The following TENM3 variants were observed in gnomAD, a reference collection of about 807,000 sequenced individuals.
TENM3 encodes the protein teneurin transmembrane protein 3, also known as teneurin-3.
In TENM3, 63 loss-of-function variants were observed where a neutral mutation model predicts 255.1. The observed-to-expected ratio is 0.25, with a 90% CI of 0.20 to 0.30. The LOEUF (loss-of-function observed/expected upper bound fraction) is 0.30, where lower values mean the gene tolerates loss of function less well. Among genes scored for constraint, TENM3 ranks in the 10% least tolerant of loss-of-function variants. TENM3 has a pLI of 1.00. For synonymous variants in TENM3, 1,306 were observed against 1,322.3 expected, an observed-to-expected ratio of 0.99 and a Z score of 0.27; for missense variants, 2,929 against 3,461.1, an observed-to-expected ratio of 0.85 and a Z score of 3.86.
the TENM3 span, among the ~76,000 whole-genome samples, chr4:181,723,735 T>C: frequency 4.6e-5 from 7 of 152,144 alleles, no homozygotes; most frequent in Non-Finnish European, 8.8e-5. Flanking sequence ...TGTATTTATC[T>C]AGTGGGCAGA....
the TENM3 span, among the ~76,000 whole-genome samples, chr4:181,605,889 G>A: frequency 1.1e-4 from 17 of 152,202 alleles, no homozygotes; most frequent in East Asian, 3.9e-4. Context: ...ATTTTTCCTC[G>A]GGGCAATTTC....
At chr4:181,659,441 C>T in the TENM3 span, among the ~76,000 whole-genome samples, 1 of 152,124 alleles carries the variant, frequency 6.6e-6, no homozygotes, top group Non-Finnish European at 1.5e-5. Flanking sequence ...ATGACCCTTT[C>T]CGGTAACAAT....
At chr4:181,919,020 C>G in the TENM3 span, among the ~76,000 whole-genome samples, 1 of 152,108 alleles carries the variant, frequency 6.6e-6, no homozygotes, top group Admixed American at 6.6e-5. Flanking sequence ...TAAAACAAAA[C>G]CTGGGAGCAA....
intron 3 of TENM3, among the ~76,000 whole-genome samples, chr4:182,486,545 C>CAGTT (rs2151550485): frequency 6.6e-6 from 1 of 152,198 alleles, no homozygotes; most frequent in South Asian, 2.1e-4. Context: ...ATATAATGAA[C>CAGTT]AGTTACTTGC....
intron 1 of TENM3, among the ~76,000 whole-genome samples, chr4:182,174,527 C>CACACACACACACAA (rs146198406): frequency 2.0e-5 from 3 of 149,974 alleles, no homozygotes; most frequent in African/African-American, 7.4e-5. Flanking sequence ...CACACACACA[C>CACACACACACACAA]ACACAAACAC....
the TENM3 span, among the ~76,000 whole-genome samples, chr4:182,088,821 G>A: frequency 2.0e-5 from 3 of 148,738 alleles, no homozygotes; most frequent in Non-Finnish European, 3.0e-5. Flanking sequence ...GCGACAGAGC[G>A]AGACTCCATC....
intron 22 of TENM3, among the ~76,000 whole-genome samples, chr4:182,763,063 C>A (rs547271225): frequency 6.6e-6 from 1 of 152,274 alleles, no homozygotes; most frequent in East Asian, 1.9e-4. Context: ...CTAAAAACTA[C>A]TTTTTGTTCT....
intron 13 of TENM3, 103 bp downstream of exon 13, chr4:182,714,336 A>C: frequency 1.1e-6 from 1 of 881,372 alleles, no homozygotes; most frequent in Non-Finnish European, 1.7e-6. Flanking sequence ...AAAAAAAAAA[A>C]AAACCTGATC....
the TENM3 span, among the ~76,000 whole-genome samples, chr4:181,769,958 A>T: frequency 1.3e-5 from 2 of 152,204 alleles, no homozygotes; most frequent in African/African-American, 4.8e-5. Flanking sequence ...GTACATCAAA[A>T]ATATGGTACA....
chr4:181,694,872 T>C, the TENM3 span, among the ~76,000 whole-genome samples: 1 of 152,158 alleles, frequency 6.6e-6, no homozygotes, highest in Non-Finnish European at 1.5e-5. Flanking sequence ...AGAAAGAAAA[T>C]TATCTATCCA....
At chr4:181,772,152 G>C in the TENM3 span, among the ~76,000 whole-genome samples, 705 of 152,270 alleles carry the variant, frequency 4.6e-3, 7 homozygotes, top group African/African-American at 0.016. Context: ...GGCCAAAGCA[G>C]GTGAATCATG....
chr4:182,270,050 A>C (rs544337563), intron 1 of TENM3, among the ~76,000 whole-genome samples: 1 of 152,176 alleles, frequency 6.6e-6, no homozygotes, highest in Non-Finnish European at 1.5e-5. Context: ...TGAAAGAGTT[A>C]AGCTTTGTCT....
the TENM3 span, among the ~76,000 whole-genome samples, chr4:181,989,359 T>C: frequency 6.6e-6 from 1 of 152,032 alleles, no homozygotes; most frequent in Non-Finnish European, 1.5e-5. Flanking sequence ...TGGCTTTAGC[T>C]GCTGGCAAAA....
intron 1 of TENM3, among the ~76,000 whole-genome samples, chr4:182,231,028 C>T (rs1245427269): frequency 6.6e-6 from 1 of 151,374 alleles, no homozygotes; most frequent in African/African-American, 2.4e-5. Flanking sequence ...CAGGCCCAAG[C>T]TTGTTGTATG....
the TENM3 span, among the ~76,000 whole-genome samples, chr4:181,703,313 T>A: frequency 6.6e-6 from 1 of 152,210 alleles, no homozygotes; most frequent in Non-Finnish European, 1.5e-5. Context: ...TAGAGAGCCT[T>A]CTATTCTCTG....
chr4:182,038,661 T>C, the TENM3 span, among the ~76,000 whole-genome samples: 1 of 152,206 alleles, frequency 6.6e-6, no homozygotes, highest in Non-Finnish European at 1.5e-5. Flanking sequence ...CTGCACAGAC[T>C]TGCGTTCAAG....
chr4:182,661,508 T>C (rs1003304582), intron 6 of TENM3, among the ~76,000 whole-genome samples: 1 of 152,198 alleles, frequency 6.6e-6, no homozygotes, highest in Non-Finnish European at 1.5e-5. Flanking sequence ...ACTTGTGTTA[T>C]TACAATGTGT....
At chr4:181,758,690 A>G in the TENM3 span, among the ~76,000 whole-genome samples, 1,508 of 152,320 alleles carry the variant, frequency 9.9e-3, 30 homozygotes, top group African/African-American at 0.034. Context: ...AAGCTTGTAC[A>G]TATTTGACAG....
chr4:181,772,826 T>C, the TENM3 span, among the ~76,000 whole-genome samples: 1 of 152,304 alleles, frequency 6.6e-6, no homozygotes, highest in Middle Eastern at 3.4e-3. Flanking sequence ...ATTTTCACCT[T>C]ATTATATAGG....
Sources: gnomAD v4.1 joint callset for allele counts (sites outside exome capture counted in the v4.1 genomes callset) on GRCh38, gnomAD v4.1.1 for gene constraint, MANE v1.5 for transcripts, NCBI Gene and HGNC (gene_info 2026-07-23, HGNC 2026-07-21) for gene names.